ZNF385D: variants seen among roughly 807,000 people sequenced by gnomAD.
ZNF385D encodes the protein zinc finger protein 659.
Under a neutral mutation model 35.8 loss-of-function variants are expected in ZNF385D, and 15 were observed. The ratio of observed to expected loss-of-function variants is 0.42; its 90% CI spans 0.28 to 0.64. The LOEUF is 0.64. ZNF385D is among the 30% of genes least tolerant of loss of function. ZNF385D has a pLI of 0.23. For synonymous variants in ZNF385D, 212 were observed against 186.8 expected, an observed-to-expected ratio of 1.13 and a Z score of -1.10; for missense variants, 474 against 494.6, an observed-to-expected ratio of 0.96 and a Z score of 0.39.
In ZNF385D at chr3:21,549,054, A is replaced by G. The variant is rs376256838; in HGVS notation, c.276+15520T>C. Among the ~76,000 whole-genome samples, 206 of 152,362 alleles carry G rather than the reference A, an allele frequency of 1.4e-3. 2 individuals carry two copies. In the South Asian group the frequency reaches 0.019, roughly 14 times the overall value. On this transcript the variant is annotated intron_variant, in intron 3 of 7. Coordinates refer to ENST00000281523, the MANE Select transcript of ZNF385D (RefSeq NM_024697.3). ...TTTATTGGAGGTTATGAATGTATCT[A>G]CTGGTCACATGTAAAGTCAACTTTG... is the stretch of plus-strand genomic sequence containing the variant.
intron 3 of ZNF385D, among the ~76,000 whole-genome samples, chr3:22,096,700 G>A (rs1272382927): frequency 1.3e-5 from 2 of 151,990 alleles, no homozygotes; most frequent in Non-Finnish European, 2.9e-5. Context: ...TCAAAATAAA[G>A]TGTCATTTCT....
At chr3:21,438,324 T>C (rs1362054411) in intron 4 of ZNF385D, among the ~76,000 whole-genome samples, 2 of 152,166 alleles carry the variant, frequency 1.3e-5, no homozygotes, top group Non-Finnish European at 2.9e-5. Context: ...TCTCATTCCA[T>C]ATACTGCTAT....
intron 3 of ZNF385D, among the ~76,000 whole-genome samples, chr3:21,912,231 T>G (rs1051964413): frequency 5.9e-5 from 9 of 151,940 alleles, no homozygotes; most frequent in Non-Finnish European, 1.2e-4. Flanking sequence ...CCTAAACTCG[T>G]TAAAATGGGA....
intron 3 of ZNF385D, chr3:21,878,241 G>A (rs548655803): frequency 6.6e-6 from 1 of 151,928 alleles, no homozygotes; most frequent in African/African-American, 2.4e-5. Flanking sequence ...AGGTGATGTA[G>A]CTCATAAAAA....
At chr3:22,115,292 G>A (rs1038954084) in intron 3 of ZNF385D, among the ~76,000 whole-genome samples, 1 of 152,068 alleles carries the variant, frequency 6.6e-6, no homozygotes, top group Admixed American at 6.6e-5. Flanking sequence ...CAGAGACTTT[G>A]CCTTTGTGAA....
At chr3:21,828,156 G>C (rs917164339) in intron 3 of ZNF385D, among the ~76,000 whole-genome samples, 10 of 152,148 alleles carry the variant, frequency 6.6e-5, no homozygotes, top group Non-Finnish European at 1.5e-4. Context: ...ACGCAGACTA[G>C]GGTTGGTTAT....
chr3:21,750,997 C>T lies in ZNF385D; in HGVS notation c.-81G>A. On this transcript the variant is annotated 5_prime_UTR_variant, in exon 1 of 8. It removes an upstream start codon present in the reference 5' UTR. Transcript: ENST00000281523. The stretch of plus-strand genomic sequence containing the variant: ...GCTGGCACGTAGAGCAGAGCCCTTT[C>T]ATGCTACATTCGGTGGAAATGTCCC... The T allele has an allele frequency of 6.2e-7, 1 of 1,611,406 alleles. No individual in the cohort carries two copies. Among genetic ancestry groups the T allele is most frequent in the Non-Finnish European group, 8.5e-7 (1 of 1,178,992 alleles).
At chr3:21,977,597 G>C (rs9870854) in intron 3 of ZNF385D, among the ~76,000 whole-genome samples, 42,068 of 151,888 alleles carry the variant, frequency 0.28, 6,034 homozygotes, top group East Asian at 0.33. Context: ...AGTGGGAAGA[G>C]TGCTTGAGGA....
At chr3:21,741,243 G>GA (rs2069501348) in intron 1 of ZNF385D, among the ~76,000 whole-genome samples, 1 of 152,074 alleles carries the variant, frequency 6.6e-6, no homozygotes, top group South Asian at 2.1e-4. Context: ...TTAAAAGTGA[G>GA]AAAAAAACCA....
intron 6 of ZNF385D, among the ~76,000 whole-genome samples, chr3:21,424,790 T>G (rs1700938382): frequency 6.6e-6 from 1 of 151,914 alleles, no homozygotes; most frequent in Non-Finnish European, 1.5e-5. Flanking sequence ...TGAATTTATT[T>G]CCATACTAAT....
chr3:22,283,223 C>T (rs193029931), intron 2 of ZNF385D, among the ~76,000 whole-genome samples: 6 of 152,092 alleles, frequency 3.9e-5, no homozygotes, highest in East Asian at 1.9e-4. Context: ...AGACAGCAAA[C>T]GATAGTAGTG....
intron 1 of ZNF385D, among the ~76,000 whole-genome samples, chr3:21,689,620 T>C (rs749945314): frequency 2.0e-5 from 3 of 152,176 alleles, no homozygotes; most frequent in African/African-American, 4.8e-5. Context: ...TTCTTAGTAA[T>C]AGCACAGATT....
chr3:22,300,485 T>C (rs1355896585), intron 2 of ZNF385D, among the ~76,000 whole-genome samples: 4 of 150,816 alleles, frequency 2.7e-5, no homozygotes, highest in African/African-American at 9.7e-5. Context: ...AAGAGAACAA[T>C]CAACAGAGAA....
At chr3:21,572,055 A>G (rs1034464070) in intron 2 of ZNF385D, among the ~76,000 whole-genome samples, 1 of 152,134 alleles carries the variant, frequency 6.6e-6, no homozygotes. Context: ...AGAGGTTGGG[A>G]TGACATTACT....
chr3:22,350,295 G>A (rs948059487), intron 2 of ZNF385D, among the ~76,000 whole-genome samples: 2 of 152,050 alleles, frequency 1.3e-5, no homozygotes, highest in African/African-American at 4.8e-5. Flanking sequence ...TTTTTTAAAA[G>A]GAAAAGATGT....
chr3:22,251,141 A>G (rs1439178664), intron 2 of ZNF385D, among the ~76,000 whole-genome samples: 1 of 152,148 alleles, frequency 6.6e-6, no homozygotes, highest in Non-Finnish European at 1.5e-5. Flanking sequence ...AATTTAAAAG[A>G]CTTAGCTGAC....
At chr3:22,159,798 A>G (rs1705830245) in intron 3 of ZNF385D, among the ~76,000 whole-genome samples, 1 of 152,220 alleles carries the variant, frequency 6.6e-6, no homozygotes, top group South Asian at 2.1e-4. Context: ...ATATTTTTGA[A>G]CAATTTAATA....
chr3:21,654,688 A>C (rs934228539), intron 2 of ZNF385D, among the ~76,000 whole-genome samples: 5 of 152,116 alleles, frequency 3.3e-5, no homozygotes, highest in Non-Finnish European at 7.4e-5. Flanking sequence ...CAGAAAAAAT[A>C]AAATGAAATA....
chr3:22,165,482 G>T (rs145839442), intron 3 of ZNF385D, among the ~76,000 whole-genome samples: 2 of 152,072 alleles, frequency 1.3e-5, no homozygotes, highest in South Asian at 2.1e-4. Flanking sequence ...AAAATACTCA[G>T]CAAAATCATG....
Sources: allele counts gnomAD v4.1 joint callset (sites outside exome capture counted in the v4.1 genomes callset), GRCh38; gene constraint gnomAD v4.1.1; transcripts MANE v1.5; gene names NCBI Gene and HGNC (gene_info 2026-07-23, HGNC 2026-07-21).